NALF1: variants seen among roughly 807,000 people sequenced by gnomAD.
NALF1 encodes family with sequence similarity 155 member A.
A neutral mutation model predicts 48.4 loss-of-function variants in NALF1; 3 were observed. The observed-to-expected ratio is 0.06, with a 90% CI of 0.03 to 0.16. The LOEUF (loss-of-function observed/expected upper bound fraction) is 0.16. Among genes scored for constraint, NALF1 ranks in the 10% least tolerant of loss-of-function variants. The pLI, the probability that NALF1 is intolerant of heterozygous loss-of-function variation, is 1.00. For missense variants in NALF1, 526 were observed against 571.5 expected (o/e 0.92, Z 0.81); for synonymous variants, 262 against 245.7 (o/e 1.07, Z -0.62).
rs1880749886 is a variant in NALF1, at chr13:107,866,792, T to G, written c.-196A>C. The G allele has an allele frequency of 3.4e-6, 2 of 590,632 alleles. No homozygotes were observed. The highest frequency in any genetic ancestry group is 3.7e-5 in the African/African-American group (2 of 53,422). 36.6% of individuals were successfully genotyped at this position (590,632 alleles called of 1,614,324 possible). ...TCTCCCTCTCCCTCTCTTTTATCTCTCTCTGTCTCTTTTGCCTACATAAAT... is the reference window on the plus strand; with the variant it reads ...TCTCCCTCTCCCTCTCTTTTATCTCGCTCTGTCTCTTTTGCCTACATAAAT... On this transcript the variant is annotated 5_prime_UTR_variant, in exon 1 of 3. Coordinates refer to ENST00000375915, the MANE Select transcript of NALF1 (RefSeq NM_001080396.3). This position sits in a 1 kb window ranked among gnomAD's most constrained non-coding sequence, Gnocchi z 4.4.
At chr13:107,336,930 TGAAAA>T (rs939142846) in intron 1 of NALF1, among the ~76,000 whole-genome samples, 3 of 150,888 alleles carry the variant, frequency 2.0e-5, no homozygotes, top group South Asian at 2.1e-4. Flanking sequence ...ATCAATTGAA[TGAAAA>T]GAAAAGCCCC....
chr13:107,443,167 A>AT lies in NALF1; in HGVS notation c.916-232413_916-232412insA, dbSNP rs1566344520. ...CATAAATTTATTATTTATTTATCTA[A>AT]CAATCTATCTATCTATCTATCTATC... On this transcript the variant is annotated intron_variant, in intron 1 of 2. Transcript: ENST00000375915. 5.4e-3 allele frequency among the ~76,000 whole-genome samples: 753 copies of AT among 138,382 alleles called. 3 individuals are homozygous for AT. Among genetic ancestry groups the AT allele is most frequent in the Middle Eastern group, 0.011 (3 of 266 alleles). The allele number at this position is 138,382 out of a possible 152,430, so 90.8% of individuals were successfully genotyped here. A position where few individuals can be genotyped will look rare whatever the true frequency, so the allele number is the denominator to read the frequency against.
chr13:107,178,350 T>C (rs779809851), intron 2 of NALF1, among the ~76,000 whole-genome samples: 8 of 152,144 alleles, frequency 5.3e-5, no homozygotes, highest in Non-Finnish European at 8.8e-5. Flanking sequence ...CTGAAACAAT[T>C]CCACAGGAAA....
chr13:107,250,593 CAG>C (rs1186435478), intron 1 of NALF1, among the ~76,000 whole-genome samples: 1 of 152,078 alleles, frequency 6.6e-6, no homozygotes. Flanking sequence ...CTGTAATTTT[CAG>C]AGAGGATAGG....
At chr13:107,659,880 A>C (rs894873031) in intron 1 of NALF1, among the ~76,000 whole-genome samples, 1 of 150,810 alleles carries the variant, frequency 6.6e-6, no homozygotes, top group Non-Finnish European at 1.5e-5. Flanking sequence ...GTGCAATCTC[A>C]GCCACCACAC....
chr13:107,335,749 C>T (rs573817764), intron 1 of NALF1, among the ~76,000 whole-genome samples: 1 of 152,292 alleles, frequency 6.6e-6, no homozygotes, highest in South Asian at 2.1e-4. Flanking sequence ...GGCAGATGGC[C>T]TTGGCCTCAT....
chr13:107,734,284 TGGTATCAGCC>T (rs1255222802), intron 1 of NALF1, among the ~76,000 whole-genome samples: 1 of 152,122 alleles, frequency 6.6e-6, no homozygotes, highest in Non-Finnish European at 1.5e-5. Flanking sequence ...CCTCATGCGG[TGGTATCAGCC>T]GGTATTAGCC....
At chr13:107,429,459 C>A (rs1884337858) in intron 1 of NALF1, among the ~76,000 whole-genome samples, 1 of 151,874 alleles carries the variant, frequency 6.6e-6, no homozygotes, top group African/African-American at 2.4e-5. Context: ...GAAAGGACAC[C>A]TATCCCTGCT....
At chr13:107,406,064 C>T (rs1394938913) in intron 1 of NALF1, among the ~76,000 whole-genome samples, 1 of 152,036 alleles carries the variant, frequency 6.6e-6, no homozygotes, top group African/African-American at 2.4e-5. Context: ...AGAACCACTT[C>T]TTGTCTTCTG....
intron 1 of NALF1, among the ~76,000 whole-genome samples, chr13:107,529,655 C>T (rs1258261009): frequency 1.3e-5 from 2 of 152,110 alleles, no homozygotes; most frequent in African/African-American, 4.8e-5. Context: ...CAACCATTCA[C>T]CAGCTTGGCT....
intron 1 of NALF1, among the ~76,000 whole-genome samples, chr13:107,323,443 G>GATTT (rs1566485115): frequency 5.3e-5 from 8 of 152,072 alleles, no homozygotes; most frequent in Non-Finnish European, 1.0e-4. Flanking sequence ...GGAGATTGAG[G>GATTT]GAATGATTAT....
chr13:107,736,157 G>C (rs1876460651), intron 1 of NALF1, among the ~76,000 whole-genome samples: 3 of 148,888 alleles, frequency 2.0e-5, no homozygotes, highest in Admixed American at 1.4e-4. Context: ...TCTGACAATT[G>C]CACCAAGATG....
intron 1 of NALF1, among the ~76,000 whole-genome samples, chr13:107,481,309 G>A (rs113235491): frequency 1.3e-5 from 2 of 152,020 alleles, no homozygotes; most frequent in African/African-American, 2.4e-5. Context: ...CTAAAATGCC[G>A]AATAAATGAC....
At chr13:107,644,325 T>C (rs141535597) in intron 1 of NALF1, among the ~76,000 whole-genome samples, 1 of 151,774 alleles carries the variant, frequency 6.6e-6, no homozygotes, top group South Asian at 2.1e-4. Context: ...GAAACACTAC[T>C]ACATACTCAG....
At chr13:107,730,179 A>T (rs995013287) in intron 1 of NALF1, among the ~76,000 whole-genome samples, 10 of 152,206 alleles carry the variant, frequency 6.6e-5, no homozygotes, top group African/African-American at 2.4e-4. Flanking sequence ...GTCGAGAATC[A>T]TTACATTATT....
intron 1 of NALF1, among the ~76,000 whole-genome samples, chr13:107,279,714 T>G (rs961439067): frequency 6.6e-6 from 1 of 152,220 alleles, no homozygotes; most frequent in African/African-American, 2.4e-5. Flanking sequence ...CTTAAACACA[T>G]GCTGCCCTCA....
At chr13:107,447,918 T>C (rs1417780472) in intron 1 of NALF1, among the ~76,000 whole-genome samples, 3 of 152,174 alleles carry the variant, frequency 2.0e-5, no homozygotes. Flanking sequence ...GAGGTAGTTG[T>C]AGAGTCCTGC....
chr13:107,306,265 G>A (rs763709539), intron 1 of NALF1, among the ~76,000 whole-genome samples: 2 of 152,086 alleles, frequency 1.3e-5, no homozygotes, highest in African/African-American at 4.8e-5. Flanking sequence ...TGACATGATC[G>A]CTGTTGGACC....
chr13:107,312,545 C>T (rs1566482125), intron 1 of NALF1, among the ~76,000 whole-genome samples: 1 of 152,150 alleles, frequency 6.6e-6, no homozygotes, highest in Admixed American at 6.5e-5. Flanking sequence ...ACATTGTGCA[C>T]ATGTACCCTA....
Sources: allele counts gnomAD v4.1 joint callset (sites outside exome capture counted in the v4.1 genomes callset), GRCh38; gene constraint gnomAD v4.1.1; non-coding constraint Gnocchi (gnomAD v3.1); transcripts MANE v1.5; gene names NCBI Gene and HGNC (gene_info 2026-07-23, HGNC 2026-07-21).